EPHA7: variants seen among roughly 807,000 people sequenced by gnomAD.
EPHA7 encodes ephrin type-A receptor 7.
In EPHA7, 25 loss-of-function variants were observed where a neutral mutation model predicts 112.6. The ratio of observed to expected loss-of-function variants is 0.22; its 90% CI spans 0.16 to 0.31. The LOEUF is 0.31. Ranked by LOEUF, EPHA7 falls within the 10% of genes least tolerant of loss-of-function variation. EPHA7 has a pLI of 1.00. For synonymous variants in EPHA7, 437 were observed against 406.5 expected (o/e 1.07, Z -0.90); for missense variants, 962 against 1,212.6 (o/e 0.79, Z 3.07).
intron 5 of EPHA7, 94 bp from the exon 6 acceptor site, chr6:93,272,516 T>C: frequency 1.3e-6 from 2 of 1,486,758 alleles, no homozygotes; most frequent in Non-Finnish European, 1.8e-6. Context: ...CTGTGCCAGT[T>C]TCATTAAGGT....
chr6:93,246,830 G>T lies in EPHA7; in HGVS notation c.2688C>A (p.Asn896Lys), dbSNP rs764259302. The change falls in exon 15 of 17, where the codon AAC becomes AAA. Residue 896 changes from asparagine to lysine, a missense_variant. Transcript: ENST00000369303. ...CCAGGGGAGTTTTCAGACTATTTGGGTTTCGAATCATTTTGTCTAGAATTC... is the reference window on the plus strand; with the variant it reads ...CCAGGGGAGTTTTCAGACTATTTGGTTTTCGAATCATTTTGTCTAGAATTC... ...IVGILDKMIR[N>K]PNSLKTPLGT... 1 of 1,612,200 alleles carries T rather than the reference G, an allele frequency of 6.2e-7. No homozygotes were observed. Among genetic ancestry groups the T allele is most frequent in the South Asian group, 1.1e-5 (1 of 90,976 alleles).
In EPHA7 at chr6:93,303,664, C is replaced by T. The variant is rs546230853; in HGVS notation, c.1325-31242G>A. 5.3e-5 allele frequency among the ~76,000 whole-genome samples: 8 copies of T among 152,116 alleles called. No individual in the cohort carries two copies. The South Asian group carries it at 1.4e-3, about 28-fold the overall frequency. ...ATGGATCAGCATAGTATCTGCTCTG[C>T]GTTTTAAAATTAAATTAATTAAGCT... is the stretch of plus-strand genomic sequence containing the variant. On this transcript the variant is annotated intron_variant, in intron 5 of 16. Coordinates refer to ENST00000369303, the MANE Select transcript of EPHA7 (RefSeq NM_004440.4).
intron 5 of EPHA7, among the ~76,000 whole-genome samples, chr6:93,304,531 T>C (rs185302731): frequency 2.0e-5 from 3 of 152,166 alleles, no homozygotes; most frequent in Admixed American, 2.0e-4. Context: ...ATTGATTATA[T>C]CTCATGTCCT....
chr6:93,365,346 T>C (rs187655856), intron 3 of EPHA7, among the ~76,000 whole-genome samples: 57 of 152,330 alleles, frequency 3.7e-4, no homozygotes, highest in Non-Finnish European at 6.2e-4. Flanking sequence ...TTCTAATGAA[T>C]GCTGTTATTT....
At chr6:93,265,913 T>C (rs1308471307) in intron 7 of EPHA7, among the ~76,000 whole-genome samples, 1 of 151,632 alleles carries the variant, frequency 6.6e-6, no homozygotes, top group Non-Finnish European at 1.5e-5. Flanking sequence ...TGTCTCCTTT[T>C]GACAACTTAT....
At chr6:93,338,904 T>A (rs994015373) in intron 5 of EPHA7, among the ~76,000 whole-genome samples, 10 of 150,080 alleles carry the variant, frequency 6.7e-5, no homozygotes, top group Non-Finnish European at 1.0e-4. Flanking sequence ...TATATCTCTA[T>A]ATTATATATC....
intron 5 of EPHA7, among the ~76,000 whole-genome samples, chr6:93,302,345 A>G (rs1773027178): frequency 6.6e-6 from 1 of 152,124 alleles, no homozygotes; most frequent in African/African-American, 2.4e-5. Context: ...TTACTGAACT[A>G]TGACTCCTGG....
At chr6:93,290,696 G>A (rs936421646) in intron 5 of EPHA7, among the ~76,000 whole-genome samples, 1 of 152,032 alleles carries the variant, frequency 6.6e-6, no homozygotes, top group Non-Finnish European at 1.5e-5. Context: ...CTATAACCAA[G>A]GTTTGGCAGT....
intron 5 of EPHA7, among the ~76,000 whole-genome samples, chr6:93,278,678 C>T (rs1771583222): frequency 6.6e-6 from 1 of 151,622 alleles, no homozygotes. Flanking sequence ...CTTCTAAAAC[C>T]CTATGAGGTA....
chr6:93,325,572 T>C (rs1216731688), intron 5 of EPHA7, among the ~76,000 whole-genome samples: 4 of 151,354 alleles, frequency 2.6e-5, no homozygotes, highest in Non-Finnish European at 4.4e-5. Context: ...TACCAAAATA[T>C]ATCTACCTAG....
At chr6:93,256,118 C>T in intron 12 of EPHA7, 81 bp from the exon 13 acceptor site, 1 of 1,271,344 alleles carries the variant, frequency 7.9e-7, no homozygotes, top group African/African-American at 1.5e-5. Flanking sequence ...TATCTGCGTG[C>T]TAGCAATTTG....
intron 14 of EPHA7, among the ~76,000 whole-genome samples, chr6:93,251,978 C>A (rs1283952575): frequency 6.6e-6 from 1 of 151,892 alleles, no homozygotes; most frequent in African/African-American, 2.4e-5. Context: ...CAAATGAGTG[C>A]CCATTCAAGG....
chr6:93,241,391 C>A lies in EPHA7; in HGVS notation c.*2035G>T, dbSNP rs1769682558. On this transcript the variant is annotated 3_prime_UTR_variant, in exon 17 of 17. Transcript: ENST00000369303. ...TATAAACACTTGTACACACTGCAGACACTGAAAAATAACCCTCAAGCACAT... is the reference window on the plus strand; with the variant it reads ...TATAAACACTTGTACACACTGCAGAAACTGAAAAATAACCCTCAAGCACAT... 1 of 211,992 alleles carries A rather than the reference C, an allele frequency of 4.7e-6. No individual in the cohort carries two copies. The highest frequency in any genetic ancestry group is 7.1e-5 in the East Asian group (1 of 14,080). The allele number at this position is 211,992 out of a possible 1,614,324, so 13.1% of individuals were successfully genotyped here. A position where few individuals can be genotyped will look rare whatever the true frequency, so the allele number is the denominator to read the frequency against.
intron 3 of EPHA7, among the ~76,000 whole-genome samples, chr6:93,388,677 A>T (rs530178243): frequency 7.2e-5 from 11 of 152,074 alleles, no homozygotes; most frequent in Non-Finnish European, 1.5e-4. Flanking sequence ...GAAGGGTGAT[A>T]AGCTTAGAAG....
intron 14 of EPHA7, among the ~76,000 whole-genome samples, chr6:93,254,299 C>G (rs1207476614): frequency 6.6e-6 from 1 of 152,082 alleles, no homozygotes; most frequent in African/African-American, 2.4e-5. Context: ...ACCAAACTTC[C>G]TTCCCTCCTC....
At chr6:93,268,497 T>C (rs1025800859) in intron 7 of EPHA7, among the ~76,000 whole-genome samples, 1 of 151,794 alleles carries the variant, frequency 6.6e-6, no homozygotes, top group African/African-American at 2.4e-5. Context: ...AAAAGTCATA[T>C]AATATTTTCC....
chr6:93,380,929 G>A (rs1295086744), intron 3 of EPHA7, among the ~76,000 whole-genome samples: 1 of 152,094 alleles, frequency 6.6e-6, no homozygotes, highest in African/African-American at 2.4e-5. Flanking sequence ...CAACATGGCA[G>A]GTGGTCCTTA....
At chr6:93,295,996 ATTAAT>A (rs1436724692) in intron 5 of EPHA7, among the ~76,000 whole-genome samples, 3 of 151,976 alleles carry the variant, frequency 2.0e-5, no homozygotes, top group African/African-American at 7.2e-5. Flanking sequence ...TAATTAATAA[ATTAAT>A]TTAAGGCTTT....
At chr6:93,415,041 TTA>T (rs1367039186) in intron 1 of EPHA7, among the ~76,000 whole-genome samples, 4 of 152,016 alleles carry the variant, frequency 2.6e-5, no homozygotes, top group Admixed American at 6.6e-5. Context: ...GGTAGAAATT[TTA>T]TATGTGATAC....
Sources: gnomAD v4.1 joint callset for allele counts (sites outside exome capture counted in the v4.1 genomes callset) on GRCh38, gnomAD v4.1.1 for gene constraint, MANE v1.5 for transcripts, NCBI Gene and HGNC (gene_info 2026-07-23, HGNC 2026-07-21) for gene names.